ADGRL3: variants seen among roughly 807,000 people sequenced by gnomAD.
ADGRL3 encodes calcium-independent alpha-latrotoxin receptor 3.
A neutral mutation model predicts 153.5 loss-of-function variants in ADGRL3; 62 were observed. The observed-to-expected ratio is 0.40, with a 90% CI of 0.33 to 0.50. The LOEUF (loss-of-function observed/expected upper bound fraction) is 0.50, where lower values mean the gene tolerates loss of function less well. Ranked by LOEUF, ADGRL3 falls within the 20% of genes least tolerant of loss-of-function variation. ADGRL3 has a pLI of 0.47. For missense variants in ADGRL3, 1,641 were observed against 1,859.4 expected, an observed-to-expected ratio of 0.88 and a Z score of 2.16; for synonymous variants, 710 against 672.5, an observed-to-expected ratio of 1.06 and a Z score of -0.86.
intron 17 of ADGRL3, among the ~76,000 whole-genome samples, chr4:61,958,225 A>T (rs951861267): frequency 2.6e-5 from 4 of 151,838 alleles, no homozygotes; most frequent in Non-Finnish European, 5.9e-5. Flanking sequence ...ATATAAAATA[A>T]TTTTTTTTGA....
intron 8 of ADGRL3, among the ~76,000 whole-genome samples, chr4:61,767,724 C>T (rs2097015371): frequency 6.6e-6 from 1 of 152,136 alleles, no homozygotes; most frequent in South Asian, 2.1e-4. Context: ...TGTTCCTTGG[C>T]CCAGTGGCCA....
At chr4:61,888,695 C>T (rs375638190) in intron 9 of ADGRL3, among the ~76,000 whole-genome samples, 6 of 152,164 alleles carry the variant, frequency 3.9e-5, no homozygotes, top group East Asian at 3.9e-4. Context: ...AGACATCTCT[C>T]TGTGGCACAG....
chr4:61,662,554 G>C (rs2094634343), intron 5 of ADGRL3, among the ~76,000 whole-genome samples: 2 of 152,230 alleles, frequency 1.3e-5, no homozygotes. Flanking sequence ...TGGGGGCTGA[G>C]GGTAGCTCAG....
At chr4:61,227,224 G>A (rs1227048531) in intron 1 of ADGRL3, among the ~76,000 whole-genome samples, 1 of 150,494 alleles carries the variant, frequency 6.6e-6, no homozygotes, top group African/African-American at 2.4e-5. Flanking sequence ...TTTTTCTTTT[G>A]AGATAGGATC....
intron 17 of ADGRL3, among the ~76,000 whole-genome samples, chr4:61,950,519 A>G (rs1035728803): frequency 4.6e-5 from 7 of 152,234 alleles, no homozygotes; most frequent in Non-Finnish European, 1.0e-4. Context: ...TTAATACACA[A>G]TAAGTATAAC....
chr4:62,021,368 T>A (rs1239464360), intron 21 of ADGRL3, among the ~76,000 whole-genome samples: 7 of 152,154 alleles, frequency 4.6e-5, no homozygotes, highest in African/African-American at 1.2e-4. Context: ...ATTAAAATGC[T>A]TGGCTGGCAT....
intron 11 of ADGRL3, among the ~76,000 whole-genome samples, chr4:61,898,101 A>G (rs1199734147): frequency 6.6e-6 from 1 of 152,084 alleles, no homozygotes; most frequent in Non-Finnish European, 1.5e-5. Flanking sequence ...TTTACCTGTC[A>G]AGCGACCCCA....
chr4:61,305,862 A>G (rs1477866345), intron 1 of ADGRL3, among the ~76,000 whole-genome samples: 1 of 152,018 alleles, frequency 6.6e-6, no homozygotes, highest in Non-Finnish European at 1.5e-5. Context: ...AGGAATATTC[A>G]TGTCTTCTCT....
At chr4:61,225,826 C>T (rs1000529022) in intron 1 of ADGRL3, among the ~76,000 whole-genome samples, 4 of 152,142 alleles carry the variant, frequency 2.6e-5, no homozygotes, top group Non-Finnish European at 4.4e-5. Flanking sequence ...GACTCAACTC[C>T]AGCTCCTTAA....
chr4:61,850,271 A>G (rs2098186412), intron 9 of ADGRL3, among the ~76,000 whole-genome samples: 1 of 152,142 alleles, frequency 6.6e-6, no homozygotes, highest in African/African-American at 2.4e-5. Context: ...ATAGGTATAG[A>G]CACTGAATCT....
At chr4:61,231,275 A>T (rs1159725829) in intron 1 of ADGRL3, among the ~76,000 whole-genome samples, 2 of 152,118 alleles carry the variant, frequency 1.3e-5, no homozygotes, top group African/African-American at 4.8e-5. Flanking sequence ...CATATTCTAG[A>T]CTTATGCTCA....
intron 19 of ADGRL3, among the ~76,000 whole-genome samples, chr4:61,992,011 T>C (rs1418652033): frequency 6.6e-6 from 1 of 150,766 alleles, no homozygotes; most frequent in Non-Finnish European, 1.5e-5. Flanking sequence ...CTTATGTCTT[T>C]TGTTACAGTA....
In ADGRL3 at chr4:62,074,279, C is replaced by T. The variant is rs1577790436; in HGVS notation, c.*3371C>T. 1 of 151,868 alleles carries T rather than the reference C, an allele frequency of 6.6e-6. No homozygotes were observed. The highest frequency in any genetic ancestry group is 1.9e-4 in the East Asian group (1 of 5,158). 9.4% of individuals were successfully genotyped at this position (151,868 alleles called of 1,614,324 possible). Reference sequence around the variant, plus strand: ...CAGCTAGAAGTAAAACTTATGCCACCGAAACAAACAAATGATTACTTTCTT... The same window carrying T: ...CAGCTAGAAGTAAAACTTATGCCACTGAAACAAACAAATGATTACTTTCTT... On this transcript the variant is annotated 3_prime_UTR_variant, in exon 27 of 27. Transcript: ENST00000683033.
chr4:61,681,048 A>G (rs1408802817), intron 6 of ADGRL3, among the ~76,000 whole-genome samples: 1 of 152,084 alleles, frequency 6.6e-6, no homozygotes, highest in Admixed American at 6.6e-5. Flanking sequence ...GATGACCCAA[A>G]TATTCAAGAG....
At chr4:61,318,318 C>T (rs919829359) in intron 1 of ADGRL3, among the ~76,000 whole-genome samples, 4 of 151,706 alleles carry the variant, frequency 2.6e-5, no homozygotes, top group Non-Finnish European at 5.9e-5. Flanking sequence ...GAGGAAGACT[C>T]ATAAACAGCA....
At chr4:61,342,759 C>T (rs2095831744) in intron 1 of ADGRL3, among the ~76,000 whole-genome samples, 1 of 152,184 alleles carries the variant, frequency 6.6e-6, no homozygotes, top group African/African-American at 2.4e-5. Context: ...TGACTTCAAA[C>T]AGCCATAATT....
chr4:61,600,280 C>A (rs546096798), intron 5 of ADGRL3, among the ~76,000 whole-genome samples: 1 of 117,112 alleles, frequency 8.5e-6, no homozygotes, highest in Admixed American at 1.3e-4. Flanking sequence ...TGCACTCCAG[C>A]CTGGGCAGCA....
At chr4:61,614,197 G>T (rs922137334) in intron 5 of ADGRL3, among the ~76,000 whole-genome samples, 1 of 152,036 alleles carries the variant, frequency 6.6e-6, no homozygotes, top group Non-Finnish European at 1.5e-5. Flanking sequence ...AAATTCAAAG[G>T]CTACCAGCAT....
At chr4:61,859,773 G>C (rs971243404) in intron 9 of ADGRL3, among the ~76,000 whole-genome samples, 1 of 152,166 alleles carries the variant, frequency 6.6e-6, no homozygotes, top group African/African-American at 2.4e-5. Flanking sequence ...GTGGTGTGTA[G>C]TACTAAAGTG....
Sources: allele counts gnomAD v4.1 joint callset (sites outside exome capture counted in the v4.1 genomes callset), GRCh38; gene constraint gnomAD v4.1.1; transcripts MANE v1.5; gene names NCBI Gene and HGNC (gene_info 2026-07-23, HGNC 2026-07-21).